The following NEMP2 variants were observed in gnomAD, a reference collection of about 807,000 sequenced individuals.
NEMP2 encodes the protein UPF0571 transmembrane protein.
Under a neutral mutation model 54.2 loss-of-function variants are expected in NEMP2, and 53 were observed. The ratio of observed to expected loss-of-function variants is 0.98; its 90% CI spans 0.78 to 1.23. The LOEUF is 1.23. NEMP2 is among the 50% of genes most tolerant of loss of function. NEMP2 has a pLI of 0.00. For synonymous variants in NEMP2, 197 were observed against 190.3 expected, an observed-to-expected ratio of 1.04 and a Z score of -0.29; for missense variants, 455 against 511.3, an observed-to-expected ratio of 0.89 and a Z score of 1.06.
chr2:190,627,794 C>T, the NEMP2 span: 1 of 152,364 alleles, frequency 6.6e-6, no homozygotes, highest in South Asian at 2.1e-4. The surrounding 1 kb of genome is among the most constrained non-coding windows in gnomAD (Gnocchi z 4.4). Context: ...TTAGGGGCAT[C>T]TGTCTCTAAC....
chr2:190,513,686 G>T lies in NEMP2; in HGVS notation c.953+767C>A. 6.6e-6 allele frequency among the ~76,000 whole-genome samples: 1 copy of T among 152,222 alleles called. No individual in the cohort carries two copies. The highest frequency in any genetic ancestry group is 1.5e-5 in the Non-Finnish European group (1 of 68,032). On this transcript the variant is annotated intron_variant, in intron 7 of 8. Transcript: ENST00000409150. The surrounding 1 kb of genome is among the most constrained non-coding windows in gnomAD (Gnocchi z 5.3). Reference sequence around the variant, plus strand: ...ACTGGGCTTTCTCTCCATCAGGAAAGCCCTCCGCATTTATTCGTCTGGTTA... The same window carrying T: ...ACTGGGCTTTCTCTCCATCAGGAAATCCCTCCGCATTTATTCGTCTGGTTA...
At chr2:190,645,991 C>G in the NEMP2 span, among the ~76,000 whole-genome samples, 1 of 152,238 alleles carries the variant, frequency 6.6e-6, no homozygotes, top group African/African-American at 2.4e-5. Context: ...CTTTGTGTTC[C>G]AAGCATCCAG....
chr2:190,557,695 C>G, the NEMP2 span, among the ~76,000 whole-genome samples: 34 of 152,208 alleles, frequency 2.2e-4, no homozygotes, highest in Non-Finnish European at 4.0e-4. Flanking sequence ...AAGAAGACAT[C>G]TATGTGGCCA....
At chr2:190,544,853 C>T in the NEMP2 span, among the ~76,000 whole-genome samples, 1 of 148,336 alleles carries the variant, frequency 6.7e-6, no homozygotes, top group African/African-American at 2.5e-5. Context: ...TTTGGGAGGC[C>T]ATGGCAGGAG....
the NEMP2 span, among the ~76,000 whole-genome samples, chr2:190,539,853 T>A: frequency 2.0e-5 from 3 of 152,216 alleles, no homozygotes; most frequent in Admixed American, 6.5e-5. The surrounding 1 kb of genome is among the most constrained non-coding windows in gnomAD (Gnocchi z 4.1). Flanking sequence ...TAAAAGATCA[T>A]GTTATCTGCA....
intron 1 of NEMP2, among the ~76,000 whole-genome samples, chr2:190,526,770 T>C (rs375994984): frequency 7.9e-5 from 12 of 152,246 alleles, no homozygotes; most frequent in Middle Eastern, 3.4e-3. Flanking sequence ...TGAGTTTTCA[T>C]TGGTGGGATT....
At chr2:190,603,023 T>A in the NEMP2 span, among the ~76,000 whole-genome samples, 1 of 152,190 alleles carries the variant, frequency 6.6e-6, no homozygotes, top group African/African-American at 2.4e-5. Flanking sequence ...TAGCTTGATT[T>A]AAACCACTTT....
chr2:190,463,446 A>G, the NEMP2 span, among the ~76,000 whole-genome samples: 50 of 152,244 alleles, frequency 3.3e-4, no homozygotes, highest in African/African-American at 1.2e-3. The surrounding 1 kb of genome is among the most constrained non-coding windows in gnomAD (Gnocchi z 4.4). Context: ...GATGTCTGCC[A>G]CTCTGCCTAC....
chr2:190,471,841 A>AGTAGG, the NEMP2 span, among the ~76,000 whole-genome samples: 1 of 152,310 alleles, frequency 6.6e-6, no homozygotes, highest in Admixed American at 6.5e-5. The surrounding 1 kb of genome is among the most constrained non-coding windows in gnomAD (Gnocchi z 4.7). Context: ...GGCACCCCCC[A>AGTAGG]GTAGGGGCAG....
At chr2:190,603,911 A>G in the NEMP2 span, among the ~76,000 whole-genome samples, 1 of 151,850 alleles carries the variant, frequency 6.6e-6, no homozygotes. Flanking sequence ...CCTCCCAACC[A>G]TCCATACATT....
At chr2:190,616,459 T>C in the NEMP2 span, among the ~76,000 whole-genome samples, 1 of 152,250 alleles carries the variant, frequency 6.6e-6, no homozygotes, top group Non-Finnish European at 1.5e-5. The surrounding 1 kb of genome is among the most constrained non-coding windows in gnomAD (Gnocchi z 5.1). Flanking sequence ...TATAATGTGT[T>C]AATAAAACTT....
the NEMP2 span, among the ~76,000 whole-genome samples, chr2:190,471,150 G>T: frequency 4.6e-5 from 7 of 152,184 alleles, no homozygotes; most frequent in Non-Finnish European, 1.0e-4. The surrounding 1 kb of genome is among the most constrained non-coding windows in gnomAD (Gnocchi z 4.7). Context: ...CCAGTCTACA[G>T]GTCTCAGCGT....
the NEMP2 span, among the ~76,000 whole-genome samples, chr2:190,635,319 G>A: frequency 7.9e-5 from 12 of 152,254 alleles, 1 homozygote; most frequent in African/African-American, 2.6e-4. This position sits in a 1 kb window ranked among gnomAD's most constrained non-coding sequence, Gnocchi z 4.1. Context: ...TGGGCTCAAG[G>A]AATCCTCCCA....
the NEMP2 span, among the ~76,000 whole-genome samples, chr2:190,447,261 G>GTTTTT: frequency 1.3e-5 from 2 of 152,126 alleles, no homozygotes; most frequent in Non-Finnish European, 2.9e-5. This position sits in a 1 kb window ranked among gnomAD's most constrained non-coding sequence, Gnocchi z 4.5. Flanking sequence ...GTTTTGTTTT[G>GTTTTT]TTTTGCTTTT....
the NEMP2 span, among the ~76,000 whole-genome samples, chr2:190,581,574 G>T: frequency 6.6e-6 from 1 of 152,164 alleles, no homozygotes; most frequent in African/African-American, 2.4e-5. Context: ...GCGTGCACAT[G>T]ATTCTGACAT....
At chr2:190,590,789 G>A in the NEMP2 span, among the ~76,000 whole-genome samples, 1 of 152,164 alleles carries the variant, frequency 6.6e-6, no homozygotes, top group Non-Finnish European at 1.5e-5. This position sits in a 1 kb window ranked among gnomAD's most constrained non-coding sequence, Gnocchi z 5.1. Context: ...GAGTAATAAA[G>A]CCTTTTGTCT....
the NEMP2 span, among the ~76,000 whole-genome samples, chr2:190,498,827 G>A: frequency 1.3e-5 from 2 of 152,120 alleles, no homozygotes; most frequent in East Asian, 1.9e-4. The surrounding 1 kb of genome is among the most constrained non-coding windows in gnomAD (Gnocchi z 5.9). Context: ...TTGATGTGGC[G>A]CTTTTTTTCT....
At chr2:190,455,000 A>ATGTATATGTAT in the NEMP2 span, among the ~76,000 whole-genome samples, 1,746 of 46,586 alleles carry the variant, frequency 0.037, 34 homozygotes, top group East Asian at 0.056. The surrounding 1 kb of genome is among the most constrained non-coding windows in gnomAD (Gnocchi z 4.6). Flanking sequence ...GTATATGTAT[A>ATGTATATGTAT]ATGTATATGT....
At chr2:190,515,061 T>G (rs1051297528) in intron 6 of NEMP2, among the ~76,000 whole-genome samples, 1 of 152,094 alleles carries the variant, frequency 6.6e-6, no homozygotes, top group Non-Finnish European at 1.5e-5. Flanking sequence ...GAAAAGGTAA[T>G]TTTACAGTGG....
Sources: allele counts gnomAD v4.1 joint callset (sites outside exome capture counted in the v4.1 genomes callset), GRCh38; gene constraint gnomAD v4.1.1; non-coding constraint Gnocchi (gnomAD v3.1); transcripts MANE v1.5; gene names NCBI Gene and HGNC (gene_info 2026-07-23, HGNC 2026-07-21).